Variants in WWP1 observed in about 807,000 individuals in gnomAD.
WWP1 encodes the protein WW domain containing E3 ubiquitin protein ligase 1.
A neutral mutation model predicts 130.6 loss-of-function variants in WWP1; 49 were observed. The ratio of observed to expected loss-of-function variants is 0.38; its 90% CI spans 0.30 to 0.48. The LOEUF (loss-of-function observed/expected upper bound fraction) is 0.48, where lower values mean the gene tolerates loss of function less well. Ranked by LOEUF, WWP1 falls within the 20% of genes least tolerant of loss-of-function variation. WWP1 has a pLI of 0.99. For missense variants in WWP1, 809 were observed against 1,100.6 expected (o/e 0.74, Z 3.75); for synonymous variants, 332 against 367.8 (o/e 0.90, Z 1.11).
At chr8:86,392,848 GA>G (rs1294708277) in intron 5 of WWP1, among the ~76,000 whole-genome samples, 3 of 152,030 alleles carry the variant, frequency 2.0e-5, no homozygotes, top group Non-Finnish European at 4.4e-5. Context: ...TTATTCTTTC[GA>G]AAATTTTTTT....
At chr8:86,395,109 G>T (rs1003329185) in intron 5 of WWP1, among the ~76,000 whole-genome samples, 1 of 152,042 alleles carries the variant, frequency 6.6e-6, no homozygotes, top group African/African-American at 2.4e-5. Context: ...ACTCTTGGGC[G>T]TACCATCAAA....
rs757747889 is a variant in WWP1 at position 86,431,426 on chromosome 8, G to C, written c.1408G>C (p.Asp470His). The C allele has an allele frequency of 6.2e-7, 1 of 1,604,000 alleles. No individual in the cohort carries two copies. The highest frequency in any genetic ancestry group is 8.5e-7 in the Non-Finnish European group (1 of 1,174,736). ...TTCAGAAAAAAGAGTGGATTCAACA[G>C]ACAGGGTTTACTTTGTGAATCATAA... is the stretch of plus-strand genomic sequence containing the variant. ...PGWEKRVDST[D>H]RVYFVNHNTK... is the part of the protein sequence containing the mutation. The change falls in exon 13 of 25, where the codon GAC becomes CAC. Residue 470 changes from aspartate (D) to histidine (H), a missense_variant. Transcript: ENST00000517970.
intron 8 of WWP1, among the ~76,000 whole-genome samples, chr8:86,406,740 T>C (rs1808302601): frequency 6.6e-6 from 1 of 152,160 alleles, no homozygotes; most frequent in African/African-American, 2.4e-5. Flanking sequence ...GGTACAGAAC[T>C]GTAGCATCAC....
intron 21 of WWP1, among the ~76,000 whole-genome samples, chr8:86,457,557 A>AT (rs1475975748): frequency 6.6e-6 from 1 of 151,402 alleles, no homozygotes; most frequent in East Asian, 1.9e-4. Context: ...ACACACACAC[A>AT]TTTAGATATA....
At chr8:86,362,923 T>C (rs945413727) in intron 1 of WWP1, among the ~76,000 whole-genome samples, 4 of 152,236 alleles carry the variant, frequency 2.6e-5, no homozygotes, top group African/African-American at 9.6e-5. Flanking sequence ...AAATGCATTA[T>C]TTAACTTTCA....
intron 14 of WWP1, among the ~76,000 whole-genome samples, chr8:86,434,416 G>A (rs954779043): frequency 1.2e-4 from 19 of 152,040 alleles, no homozygotes; most frequent in African/African-American, 3.4e-4. Flanking sequence ...CCTTTATTCC[G>A]TCTGCCTGGT....
At position 86,380,844 on chromosome 8, in the gene WWP1, A is replaced by G. The variant is rs1433387854; in HGVS notation, c.189A>G (p.Lys63=). ...AATCCAGTAGTTCTTCTAATCCAAA[A>G]TGGGATGAACAGCTAACTGTGTAAG... ...TAKSSSSSNP[K]WDEQLTVNVT... is the part of the protein sequence containing the mutation. Residue 63 remains lysine, a synonymous_variant, in exon 4 of 25, where the codon AAA becomes AAG. Transcript: ENST00000517970. 1 of 1,612,540 alleles carries G rather than the reference A, an allele frequency of 6.2e-7. No homozygotes were observed. The highest frequency in any genetic ancestry group is 2.2e-5 in the East Asian group (1 of 44,766).
At chr8:86,457,545 A>G (rs1490329816) in intron 21 of WWP1, among the ~76,000 whole-genome samples, 1 of 151,588 alleles carries the variant, frequency 6.6e-6, no homozygotes, top group Non-Finnish European at 1.5e-5. Flanking sequence ...TACATAATAG[A>G]TACACACACA....
intron 22 of WWP1, among the ~76,000 whole-genome samples, chr8:86,459,037 T>TTTTTTTTTTTTTC (rs1811617464): frequency 8.0e-6 from 1 of 124,656 alleles, no homozygotes; most frequent in African/African-American, 2.8e-5. Flanking sequence ...TTTTTTTTTT[T>TTTTTTTTTTTTTC]TTTTTTTTTT....
At chr8:86,433,485 G>A (rs531905363) in intron 14 of WWP1, among the ~76,000 whole-genome samples, 2 of 151,700 alleles carry the variant, frequency 1.3e-5, no homozygotes, top group East Asian at 1.9e-4. Context: ...AGGTTGAGGC[G>A]GGTAGATCAC....
intron 5 of WWP1, among the ~76,000 whole-genome samples, chr8:86,396,170 C>G (rs893318724): frequency 6.6e-6 from 1 of 151,856 alleles, no homozygotes. Context: ...GCGATCTCAG[C>G]TCATTGCAAC....
At chr8:86,375,848 C>G (rs1458226026) in intron 3 of WWP1, among the ~76,000 whole-genome samples, 2 of 152,116 alleles carry the variant, frequency 1.3e-5, no homozygotes, top group African/African-American at 4.8e-5. Flanking sequence ...CCAAGTTCCT[C>G]TCCATGGGGT....
At position 86,435,632 on chromosome 8, in the gene WWP1, G is replaced by C; in HGVS notation, c.1678-1G>C. The C allele has an allele frequency of 6.2e-7, 1 of 1,612,806 alleles. No homozygotes were observed. The highest frequency in any genetic ancestry group is 8.5e-7 in the Non-Finnish European group (1 of 1,179,594). ...TATTATGATATTATTTTTGTTTTTA[G>C]TCTAATGCACTACCTAGTCATGTAA... On this transcript the variant is annotated splice_acceptor_variant, in intron 15 of 24. Transcript: ENST00000517970. LOFTEE classifies it high-confidence loss of function.
chr8:86,434,930 T>A (rs1041856859), intron 14 of WWP1, among the ~76,000 whole-genome samples: 1 of 152,228 alleles, frequency 6.6e-6, no homozygotes, highest in Non-Finnish European at 1.5e-5. Flanking sequence ...CAAACCATAT[T>A]GTAAAACCTG....
Position 86,448,132 on chromosome 8 carries a change from T to A in WWP1, c.1999-16T>A, listed in dbSNP as rs7012745. 0.04 allele frequency: 62,224 copies of A among 1,542,102 alleles called. 7,615 individuals carry two copies. The African/African-American group carries it at 0.44, about 11-fold the overall frequency. ...TTTTGCAAATTTTAAATAAAATTTT[T>A]CATTTTTCTTTGCAGGCACTATTTC... is the stretch of plus-strand genomic sequence containing the variant. On this transcript the variant is annotated splice_polypyrimidine_tract_variant and intron_variant, in intron 18 of 24. Coordinates refer to ENST00000517970, the MANE Select transcript of WWP1 (RefSeq NM_007013.4).
intron 11 of WWP1, among the ~76,000 whole-genome samples, chr8:86,428,789 T>C (rs1054750706): frequency 1.3e-5 from 2 of 152,158 alleles, no homozygotes; most frequent in African/African-American, 4.8e-5. Flanking sequence ...ATAGTAATTA[T>C]ACCGTGTGGT....
At chr8:86,388,579 T>G (rs1825427166) in intron 5 of WWP1, among the ~76,000 whole-genome samples, 1 of 152,200 alleles carries the variant, frequency 6.6e-6, no homozygotes, top group South Asian at 2.1e-4. Flanking sequence ...CTCTAGGTAG[T>G]TCACTGTGTC....
At position 86,448,592 on chromosome 8, in the gene WWP1, C is replaced by A. The variant is rs1811009758; in HGVS notation, c.2273+79C>A. On this transcript the variant is annotated intron_variant, in intron 20 of 24. Transcript: ENST00000517970. ...CCTCTCTCTGTACCCTTAATTTCAT[C>A]CCCTTTTCATGCCTTTGGGAAGTTC... The A allele has an allele frequency of 3.7e-6, 5 of 1,365,462 alleles. No individual in the cohort carries two copies. The South Asian group carries it at 8.8e-5, about 24-fold the overall frequency. The allele number at this position is 1,365,462 out of a possible 1,614,324, so 84.6% of individuals were successfully genotyped here.
chr8:86,401,583 CTTGATT>C, intron 7 of WWP1, among the ~76,000 whole-genome samples: 1 of 150,918 alleles, frequency 6.6e-6, no homozygotes, highest in African/African-American at 2.4e-5. Context: ...GTAGTTTATA[CTTGATT>C]TTTATTTTTA....
Sources: gnomAD v4.1 joint callset for allele counts (sites outside exome capture counted in the v4.1 genomes callset) on GRCh38, gnomAD v4.1.1 for gene constraint, MANE v1.5 for transcripts, NCBI Gene and HGNC (gene_info 2026-07-23, HGNC 2026-07-21) for gene names.